CRYBA4: variants seen among roughly 807,000 people sequenced by gnomAD.
The protein encoded by CRYBA4 is beta-crystallin A4.
In CRYBA4, 30 loss-of-function variants were observed where a neutral mutation model predicts 31.7. That is an observed-to-expected ratio of 0.95 (90% CI 0.71 to 1.28). The LOEUF (loss-of-function observed/expected upper bound fraction) is 1.28. CRYBA4 is among the 50% of genes most tolerant of loss of function. The pLI is 0.00. For missense variants in CRYBA4, 225 were observed against 260.7 expected, an observed-to-expected ratio of 0.86 and a Z score of 0.94; for synonymous variants, 102 against 102.3, an observed-to-expected ratio of 1.00 and a Z score of 0.02.
chr22:26,605,500 C>A, the CRYBA4 span, among the ~76,000 whole-genome samples: 72 of 151,874 alleles, frequency 4.7e-4, no homozygotes, highest in African/African-American at 1.6e-3. Context: ...ATGATGAAAC[C>A]CTGTCTCTAT....
chr22:26,602,033 G>A, the CRYBA4 span: 2 of 1,613,318 alleles, frequency 1.2e-6, no homozygotes. Flanking sequence ...TGGGGAAAGA[G>A]AGGCCGGGTC....
intron 4 of CRYBA4, among the ~76,000 whole-genome samples, chr22:26,626,986 C>T (rs1239143590): frequency 6.6e-6 from 1 of 152,194 alleles, no homozygotes; most frequent in Non-Finnish European, 1.5e-5. Context: ...TCACTTCCAT[C>T]GTTTTTCATA....
chr22:26,601,278 T>G, the CRYBA4 span, among the ~76,000 whole-genome samples: 1 of 152,150 alleles, frequency 6.6e-6, no homozygotes, highest in African/African-American at 2.4e-5. Flanking sequence ...CTTCCATGTA[T>G]TCTCATGACA....
chr22:26,620,746 A>G (rs1929507778), upstream of CRYBA4, among the ~76,000 whole-genome samples: 1 of 151,828 alleles, frequency 6.6e-6, no homozygotes, highest in Admixed American at 6.6e-5. Flanking sequence ...TGTTTTTAGT[A>G]GAGACGGGGT....
chr22:26,629,948 C>T (rs6005100), intron 5 of CRYBA4, among the ~76,000 whole-genome samples: 4,121 of 151,426 alleles, frequency 0.027, 172 homozygotes, highest in African/African-American at 0.091. Flanking sequence ...AAAACATACA[C>T]GTTCCTACAC....
At chr22:26,621,274 T>C (rs1012318623), upstream of CRYBA4, among the ~76,000 whole-genome samples, 2 of 152,216 alleles carry the variant, frequency 1.3e-5, no homozygotes, top group African/African-American at 4.8e-5. Context: ...CAGCAGGCCC[T>C]GGCCTAGCCC....
chr22:26,604,440 G>A, the CRYBA4 span, among the ~76,000 whole-genome samples: 38 of 152,342 alleles, frequency 2.5e-4, no homozygotes, highest in African/African-American at 6.3e-4. Context: ...AGCCCAGAAC[G>A]TAAGTGCATC....
rs1491484744 is a variant in CRYBA4, at chr22:26,627,455, T to TTTCC, written c.301-831_301-830insCCTT. ...CTTTCTTTCTTTCTTTCCTTCTTTC[T>TTTCC]TTTTCTTTCTTTCTTTCTTTCTCTT... is the stretch of plus-strand genomic sequence containing the variant. On this transcript the variant is annotated intron_variant, in intron 4 of 5. Coordinates refer to ENST00000354760, the MANE Select transcript of CRYBA4 (RefSeq NM_001886.3). Among the ~76,000 whole-genome samples the TTTCC allele has an allele frequency of 9.9e-4, 104 of 105,308 alleles. 2 individuals carry two copies. Among genetic ancestry groups the TTTCC allele is most frequent in the East Asian group, 1.5e-3 (4 of 2,698 alleles). The allele number at this position is 105,308 out of a possible 152,430, so 69.1% of individuals were successfully genotyped here.
chr22:26,607,563 A>AGG, the CRYBA4 span, among the ~76,000 whole-genome samples: 1 of 148,292 alleles, frequency 6.7e-6, no homozygotes, highest in South Asian at 2.1e-4. Context: ...TCTTTGGGAA[A>AGG]AAAAAAAAAA....
At chr22:26,614,905 A>G in the CRYBA4 span, among the ~76,000 whole-genome samples, 3 of 152,178 alleles carry the variant, frequency 2.0e-5, no homozygotes, top group Non-Finnish European at 4.4e-5. Flanking sequence ...ATAAAATTGT[A>G]TACAAAAGCA....
intron 4 of CRYBA4, among the ~76,000 whole-genome samples, chr22:26,626,172 C>T (rs1218366893): frequency 6.6e-6 from 1 of 152,070 alleles, no homozygotes; most frequent in Non-Finnish European, 1.5e-5. Flanking sequence ...GAGGCCAAGG[C>T]GGGTAGATCA....
chr22:26,628,235 C>T, intron 4 of CRYBA4, 53 bp from the exon 5 acceptor site: 1 of 1,613,244 alleles, frequency 6.2e-7, no homozygotes, highest in South Asian at 1.1e-5. Flanking sequence ...GGAGAGGCTC[C>T]TGGGTTTCCA....
chr22:26,618,575 G>A (rs992603741), upstream of CRYBA4, among the ~76,000 whole-genome samples: 3 of 152,208 alleles, frequency 2.0e-5, no homozygotes, highest in Admixed American at 6.5e-5. Flanking sequence ...TGCCGAACCC[G>A]TGTTATCTCG....
chr22:26,619,344 A>T (rs1929460220), upstream of CRYBA4, among the ~76,000 whole-genome samples: 1 of 152,168 alleles, frequency 6.6e-6, no homozygotes, highest in Non-Finnish European at 1.5e-5. Flanking sequence ...CAGAAATCAC[A>T]GGGCCCAATC....
rs6005099 is a variant in CRYBA4 at position 26,628,540 on chromosome 22, C to T, written c.443+110C>T. 216,282 of 1,293,322 alleles carry T rather than the reference C, an allele frequency of 0.17. 21,132 individuals are homozygous for T. Among genetic ancestry groups the T allele is most frequent in the East Asian group, 0.39 (16,548 of 42,680 alleles). 80.1% of individuals were successfully genotyped at this position (1,293,322 alleles called of 1,614,324 possible). A position where few individuals can be genotyped will look rare whatever the true frequency, so the allele number is the denominator to read the frequency against. ...ACTTTTGTGCTCTGATGCCCACATT[C>T]CAGAGGAGAACACTGAGGCACAGGG... On this transcript the variant is annotated intron_variant, in intron 5 of 5. Coordinates refer to ENST00000354760, the MANE Select transcript of CRYBA4 (RefSeq NM_001886.3).
upstream of CRYBA4, among the ~76,000 whole-genome samples, chr22:26,621,317 T>G (rs145385692): frequency 1.8e-4 from 28 of 152,348 alleles, no homozygotes; most frequent in East Asian, 5.2e-3. Context: ...TCAGGTCCCC[T>G]GAGCTCCAGG....
the CRYBA4 span, among the ~76,000 whole-genome samples, chr22:26,613,136 C>T: frequency 6.6e-6 from 1 of 152,330 alleles, no homozygotes; most frequent in South Asian, 2.1e-4. Context: ...CTTGCAAATC[C>T]AACCCTCCAC....
At chr22:26,618,802 G>A (rs1929446433), upstream of CRYBA4, among the ~76,000 whole-genome samples, 1 of 152,214 alleles carries the variant, frequency 6.6e-6, no homozygotes, top group South Asian at 2.1e-4. Flanking sequence ...GAGTCGCACT[G>A]TGCTCAGCTG....
chr22:26,592,278 A>G, the CRYBA4 span, among the ~76,000 whole-genome samples: 1 of 152,358 alleles, frequency 6.6e-6, no homozygotes, highest in Non-Finnish European at 1.5e-5. Flanking sequence ...ATAACATTCT[A>G]GCAATGGCAT....
Sources: gnomAD v4.1 joint callset for allele counts (sites outside exome capture counted in the v4.1 genomes callset) on GRCh38, gnomAD v4.1.1 for gene constraint, MANE v1.5 for transcripts, NCBI Gene and HGNC (gene_info 2026-07-23, HGNC 2026-07-21) for gene names.